Variants in KHDRBS2 observed in about 807,000 individuals in gnomAD.
KHDRBS2 encodes KH RNA binding domain containing, signal transduction associated 2.
A neutral mutation model predicts 44.3 loss-of-function variants in KHDRBS2; 26 were observed. The observed-to-expected ratio is 0.59, with a 90% CI of 0.43 to 0.81. The LOEUF is 0.81. Ranked by LOEUF, KHDRBS2 falls within the 40% of genes least tolerant of loss-of-function variation. The pLI is 0.00. For missense variants in KHDRBS2, 476 were observed against 433.1 expected, an observed-to-expected ratio of 1.10 and a Z score of -0.88; for synonymous variants, 194 against 151.1, an observed-to-expected ratio of 1.28 and a Z score of -2.08.
At chr6:62,036,998 C>T (rs1785415153) in intron 3 of KHDRBS2, among the ~76,000 whole-genome samples, 1 of 151,752 alleles carries the variant, frequency 6.6e-6, no homozygotes, top group Non-Finnish European at 1.5e-5. Context: ...TAAATGTTGC[C>T]CAAGTTTAAT....
At chr6:61,610,162 C>T in the KHDRBS2 span, among the ~76,000 whole-genome samples, 2 of 150,794 alleles carry the variant, frequency 1.3e-5, no homozygotes, top group Admixed American at 1.3e-4. Context: ...GGTGGCAGAA[C>T]GAGACTCTGT....
chr6:62,217,303 A>G (rs1379771730), intron 1 of KHDRBS2, among the ~76,000 whole-genome samples: 3 of 151,788 alleles, frequency 2.0e-5, no homozygotes, highest in African/African-American at 7.2e-5. Context: ...ATTCATATAT[A>G]GAAGCCTTTC....
At chr6:61,724,108 G>A (rs1200304260) in intron 7 of KHDRBS2, among the ~76,000 whole-genome samples, 2 of 152,096 alleles carry the variant, frequency 1.3e-5, no homozygotes, top group Non-Finnish European at 2.9e-5. Flanking sequence ...TCAGACTAGT[G>A]GAGAACCTCT....
At chr6:61,770,116 G>C (rs1308135112) in intron 6 of KHDRBS2, among the ~76,000 whole-genome samples, 7 of 152,202 alleles carry the variant, frequency 4.6e-5, no homozygotes, top group Non-Finnish European at 8.8e-5. Context: ...CAGACCTGCA[G>C]CTGAGGGTCC....
At chr6:62,210,337 T>G (rs1828816546) in intron 1 of KHDRBS2, among the ~76,000 whole-genome samples, 1 of 151,164 alleles carries the variant, frequency 6.6e-6, no homozygotes, top group Non-Finnish European at 1.5e-5. Flanking sequence ...CTTTTTTTTT[T>G]TTTTTTTTTC....
At chr6:61,610,545 G>A in the KHDRBS2 span, among the ~76,000 whole-genome samples, 50 of 152,110 alleles carry the variant, frequency 3.3e-4, no homozygotes, top group South Asian at 8.9e-3. Flanking sequence ...GGTCCTATAG[G>A]GTCTGCTACC....
At chr6:62,137,791 G>A (rs1433032210) in intron 2 of KHDRBS2, among the ~76,000 whole-genome samples, 3 of 152,090 alleles carry the variant, frequency 2.0e-5, no homozygotes, top group Admixed American at 6.5e-5. Flanking sequence ...ACTGCTCATA[G>A]ACTACCACTT....
intron 3 of KHDRBS2, among the ~76,000 whole-genome samples, chr6:62,011,211 A>C (rs558477054): frequency 5.3e-5 from 8 of 152,172 alleles, no homozygotes; most frequent in Non-Finnish European, 1.2e-4. Flanking sequence ...CTCAAGGAGC[A>C]CCTAGAATTT....
At chr6:61,619,801 C>T in the KHDRBS2 span, among the ~76,000 whole-genome samples, 15 of 152,144 alleles carry the variant, frequency 9.9e-5, no homozygotes, top group South Asian at 6.2e-4. Flanking sequence ...GTATATACCA[C>T]GCTTTCTTCA....
intron 2 of KHDRBS2, among the ~76,000 whole-genome samples, chr6:62,172,160 T>C (rs1820139907): frequency 6.6e-6 from 1 of 152,054 alleles, no homozygotes; most frequent in Non-Finnish European, 1.5e-5. Context: ...AAGACCCAAC[T>C]GTATGTTCCT....
At chr6:61,723,884 T>C (rs1283011462) in intron 7 of KHDRBS2, among the ~76,000 whole-genome samples, 1 of 152,052 alleles carries the variant, frequency 6.6e-6, no homozygotes, top group Non-Finnish European at 1.5e-5. Context: ...GGAACGAAGT[T>C]GTAAACTTGA....
the KHDRBS2 span, among the ~76,000 whole-genome samples, chr6:61,589,321 C>G: frequency 6.6e-6 from 1 of 152,130 alleles, no homozygotes; most frequent in African/African-American, 2.4e-5. Context: ...TCAGATAATT[C>G]TAGCTTTGAC....
chr6:62,004,180 A>G (rs1393177378), intron 3 of KHDRBS2, among the ~76,000 whole-genome samples: 2 of 152,212 alleles, frequency 1.3e-5, no homozygotes, highest in African/African-American at 4.8e-5. Context: ...AAATAGAGAC[A>G]CGAAAAATCC....
intron 2 of KHDRBS2, among the ~76,000 whole-genome samples, chr6:62,102,952 C>T (rs1029793445): frequency 1.2e-4 from 19 of 152,226 alleles, no homozygotes; most frequent in South Asian, 6.2e-4. Flanking sequence ...CTTTATTGAG[C>T]GACACAGCTC....
intron 1 of KHDRBS2, among the ~76,000 whole-genome samples, chr6:62,271,045 CACAA>C (rs1303341405): frequency 1.3e-5 from 2 of 151,992 alleles, no homozygotes; most frequent in South Asian, 2.1e-4. Context: ...CTGGTAAATC[CACAA>C]ACAAATTCCA....
chr6:61,871,477 A>T (rs758222035), intron 6 of KHDRBS2, among the ~76,000 whole-genome samples: 3 of 152,166 alleles, frequency 2.0e-5, no homozygotes, highest in Non-Finnish European at 4.4e-5. Flanking sequence ...AGCAAGACAG[A>T]ATAACATTCA....
intron 6 of KHDRBS2, among the ~76,000 whole-genome samples, chr6:61,830,566 G>A (rs897105402): frequency 1.3e-5 from 2 of 152,182 alleles, no homozygotes; most frequent in African/African-American, 2.4e-5. Context: ...ACAGAATTTA[G>A]TTTTGAAGCT....
intron 2 of KHDRBS2, among the ~76,000 whole-genome samples, chr6:62,110,647 G>T (rs538463489): frequency 4.2e-4 from 64 of 152,172 alleles, no homozygotes; most frequent in Non-Finnish European, 7.5e-4. Flanking sequence ...TATTTATACA[G>T]ATTTTGAGGA....
the KHDRBS2 span, among the ~76,000 whole-genome samples, chr6:61,612,938 C>G: frequency 6.8e-6 from 1 of 146,394 alleles, no homozygotes; most frequent in South Asian, 2.2e-4. Flanking sequence ...CGGCAAGCTC[C>G]GCCTCCTGGG....
Sources: allele counts gnomAD v4.1 joint callset (sites outside exome capture counted in the v4.1 genomes callset), GRCh38; gene constraint gnomAD v4.1.1; transcripts MANE v1.5; gene names NCBI Gene and HGNC (gene_info 2026-07-23, HGNC 2026-07-21).